The following PTPRD variants were observed in gnomAD, a reference collection of about 807,000 sequenced individuals.
PTPRD encodes receptor-type tyrosine-protein phosphatase delta.
In PTPRD, 34 loss-of-function variants were observed where a neutral mutation model predicts 214.5. The observed-to-expected ratio is 0.16, with a 90% CI of 0.12 to 0.21. The LOEUF (loss-of-function observed/expected upper bound fraction) is 0.21, where lower values mean the gene tolerates loss of function less well. PTPRD is among the 10% of genes least tolerant of loss of function. The pLI is 1.00. For missense variants in PTPRD, 2,545 were observed against 2,398.7 expected (o/e 1.06, Z -1.27); for synonymous variants, 1,128 against 845.7 (o/e 1.33, Z -5.79).
chr9:8,547,867 T>A (rs10118122), intron 14 of PTPRD, among the ~76,000 whole-genome samples: 4,755 of 152,256 alleles, frequency 0.031, 235 homozygotes, highest in African/African-American at 0.11. Flanking sequence ...AAACATTAAA[T>A]AGCAGTGTAT....
At chr9:8,802,864 C>G (rs752993961) in intron 11 of PTPRD, among the ~76,000 whole-genome samples, 1 of 151,926 alleles carries the variant, frequency 6.6e-6, no homozygotes, top group African/African-American at 2.4e-5. Context: ...GCAGCCTGGG[C>G]AACAGAGCAA....
chr9:9,375,799 G>A (rs1364879366), intron 9 of PTPRD, among the ~76,000 whole-genome samples: 2 of 152,084 alleles, frequency 1.3e-5, no homozygotes, highest in African/African-American at 4.8e-5. Flanking sequence ...GCAGGGAGGA[G>A]GAGTTATTGT....
intron 3 of PTPRD, among the ~76,000 whole-genome samples, chr9:10,170,974 T>G (rs1388665500): frequency 1.6e-4 from 24 of 152,182 alleles, no homozygotes; most frequent in Admixed American, 1.6e-3. Flanking sequence ...TTGATTTCAC[T>G]AAGATGCAAT....
chr9:8,893,123 T>C (rs1369628009), intron 11 of PTPRD, among the ~76,000 whole-genome samples: 2 of 152,032 alleles, frequency 1.3e-5, no homozygotes, highest in African/African-American at 4.8e-5. Context: ...AAAAAATATA[T>C]ATGATAGAAG....
At chr9:9,892,980 G>A (rs1448551520) in intron 5 of PTPRD, among the ~76,000 whole-genome samples, 3 of 152,048 alleles carry the variant, frequency 2.0e-5, no homozygotes, top group African/African-American at 7.2e-5. Flanking sequence ...GGACAGTGGT[G>A]TTAGATCATA....
chr9:10,016,810 A>G (rs533299217), intron 4 of PTPRD, among the ~76,000 whole-genome samples: 1 of 152,018 alleles, frequency 6.6e-6, no homozygotes, highest in Non-Finnish European at 1.5e-5. Flanking sequence ...GACTACATGC[A>G]TGCACCATCA....
At chr9:10,176,065 T>C (rs2099246837) in intron 3 of PTPRD, among the ~76,000 whole-genome samples, 1 of 152,022 alleles carries the variant, frequency 6.6e-6, no homozygotes, top group Admixed American at 6.6e-5. Context: ...TTTTCATTTA[T>C]TTGGTGGAAA....
chr9:9,956,391 C>A (rs553448926), intron 4 of PTPRD, among the ~76,000 whole-genome samples: 2 of 151,630 alleles, frequency 1.3e-5, no homozygotes, highest in Non-Finnish European at 2.9e-5. Flanking sequence ...TATTTCTGCA[C>A]GAACCTGAAA....
intron 5 of PTPRD, among the ~76,000 whole-genome samples, chr9:9,782,749 T>G (rs1205484887): frequency 6.6e-6 from 1 of 152,190 alleles, no homozygotes; most frequent in African/African-American, 2.4e-5. Flanking sequence ...TCACAGTTAT[T>G]ATAATAAAAC....
At chr9:9,239,297 A>G (rs570346973) in intron 9 of PTPRD, among the ~76,000 whole-genome samples, 1 of 152,222 alleles carries the variant, frequency 6.6e-6, no homozygotes, top group East Asian at 1.9e-4. Context: ...TTGGTAAATA[A>G]AGATAATTTT....
intron 7 of PTPRD, among the ~76,000 whole-genome samples, chr9:9,665,420 T>C (rs1333120363): frequency 6.6e-6 from 1 of 151,844 alleles, no homozygotes; most frequent in African/African-American, 2.4e-5. Context: ...TCAAAACTTA[T>C]AAATGCTCAC....
chr9:10,518,718 C>T (rs375067517), intron 2 of PTPRD, among the ~76,000 whole-genome samples: 2 of 151,516 alleles, frequency 1.3e-5, no homozygotes, highest in Admixed American at 6.7e-5. Context: ...ATTTTTAGTA[C>T]AGACAGGGTT....
chr9:9,747,034 G>A (rs1379725956), intron 6 of PTPRD, among the ~76,000 whole-genome samples: 2 of 152,080 alleles, frequency 1.3e-5, no homozygotes, highest in Non-Finnish European at 2.9e-5. Flanking sequence ...CTAGAAATGT[G>A]GAAGGAAACA....
At chr9:8,860,299 T>A (rs1255380612) in intron 11 of PTPRD, 1 of 152,202 alleles carries the variant, frequency 6.6e-6, no homozygotes, top group Admixed American at 6.5e-5. Context: ...CTTACACCAC[T>A]GGTAGTGATT....
At chr9:9,904,081 G>T (rs1181386906) in intron 5 of PTPRD, among the ~76,000 whole-genome samples, 1 of 152,066 alleles carries the variant, frequency 6.6e-6, no homozygotes, top group African/African-American at 2.4e-5. Flanking sequence ...GTTTCCCAAA[G>T]CACAGCTTGT....
At chr9:8,870,689 CACACA>C (rs1444833632) in intron 11 of PTPRD, among the ~76,000 whole-genome samples, 1 of 136,732 alleles carries the variant, frequency 7.3e-6, no homozygotes, top group African/African-American at 3.0e-5. Flanking sequence ...AGACATGAAA[CACACA>C]CACACACACA....
At chr9:9,553,121 T>C (rs1478166327) in intron 8 of PTPRD, among the ~76,000 whole-genome samples, 2 of 152,192 alleles carry the variant, frequency 1.3e-5, no homozygotes, top group African/African-American at 2.4e-5. Context: ...TCTGGGAAGA[T>C]AGTTTGTAAT....
intron 14 of PTPRD, among the ~76,000 whole-genome samples, chr9:8,609,266 C>G (rs760049650): frequency 3.9e-5 from 6 of 152,114 alleles, no homozygotes; most frequent in South Asian, 4.1e-4. Context: ...AGTGTGTTCA[C>G]GTGGCAGCAC....
At chr9:9,806,022 C>T (rs1172774426) in intron 5 of PTPRD, among the ~76,000 whole-genome samples, 2 of 152,074 alleles carry the variant, frequency 1.3e-5, no homozygotes, top group African/African-American at 4.8e-5. Context: ...AGTGGTTTAC[C>T]ATGCAAAAGC....
Sources: allele counts gnomAD v4.1 joint callset (sites outside exome capture counted in the v4.1 genomes callset), GRCh38; gene constraint gnomAD v4.1.1; transcripts MANE v1.5; gene names NCBI Gene and HGNC (gene_info 2026-07-23, HGNC 2026-07-21).